Variants in ABI1 observed in about 807,000 individuals in gnomAD.
The protein encoded by ABI1 is Abelson interactor 1.
Under a neutral mutation model 54.6 loss-of-function variants are expected in ABI1, and 14 were observed. The ratio of observed to expected loss-of-function variants is 0.26; its 90% CI spans 0.17 to 0.40. ABI1 has a LOEUF of 0.40. Among genes scored for constraint, ABI1 ranks in the 10% least tolerant of loss-of-function variants. The pLI is 1.00. For synonymous variants in ABI1, 194 were observed against 209.3 expected, an observed-to-expected ratio of 0.93 and a Z score of 0.63; for missense variants, 443 against 598.3, an observed-to-expected ratio of 0.74 and a Z score of 2.71.
chr10:26,859,271 G>A (rs1218066147), intron 1 of ABI1, among the ~76,000 whole-genome samples: 1 of 151,948 alleles, frequency 6.6e-6, no homozygotes, highest in African/African-American at 2.4e-5. Flanking sequence ...GATAAATTCC[G>A]AGTAGTGCTA....
rs2051244435 is a variant in ABI1, at chr10:26,860,738, G to A, written c.117+9C>T. ...CGGCCAGCGCCCGCCGGCCGCCAGA[G>A]CGCCTCACCTGTATGTAGTTGTTTT... On this transcript the variant is annotated intron_variant, in intron 1 of 10. Coordinates refer to ENST00000376140, the MANE Select transcript of ABI1 (RefSeq NM_001012750.3). The surrounding 1 kb of genome is among the most constrained non-coding windows in gnomAD (Gnocchi z 4.1). 6.2e-7 allele frequency: 1 copy of A among 1,610,770 alleles called. No homozygotes were observed. The highest frequency in any genetic ancestry group is 8.5e-7 in the Non-Finnish European group (1 of 1,177,202).
intron 1 of ABI1, among the ~76,000 whole-genome samples, chr10:26,849,816 A>T (rs1346886590): frequency 2.0e-5 from 3 of 152,180 alleles, no homozygotes; most frequent in African/African-American, 7.2e-5. Context: ...AGTGATTGCA[A>T]TTTTTTCACA....
chr10:26,775,387 TG>T, intron 3 of ABI1, among the ~76,000 whole-genome samples: 1 of 152,204 alleles, frequency 6.6e-6, no homozygotes, highest in East Asian at 1.9e-4. Context: ...TAAAATAGCC[TG>T]CACAACAATG....
At chr10:26,806,590 G>C (rs1337448788) in intron 2 of ABI1, among the ~76,000 whole-genome samples, 6 of 152,184 alleles carry the variant, frequency 3.9e-5, no homozygotes, top group Non-Finnish European at 1.5e-5. Context: ...AGTAATTCCT[G>C]TGGCACCATC....
chr10:26,787,917 T>C (rs1313723377), intron 2 of ABI1, among the ~76,000 whole-genome samples: 1 of 152,026 alleles, frequency 6.6e-6, no homozygotes, highest in East Asian at 1.9e-4. Flanking sequence ...GTTTGAATAC[T>C]AACTCTTTTG....
chr10:26,852,912 C>A (rs1371933836), intron 1 of ABI1, among the ~76,000 whole-genome samples: 1 of 152,090 alleles, frequency 6.6e-6, no homozygotes, highest in Non-Finnish European at 1.5e-5. Context: ...ACAAAAATTA[C>A]AAAAAATTAG....
chr10:26,776,938 T>C (rs188965439), intron 3 of ABI1, 127 bp downstream of exon 3: 71 of 839,582 alleles, frequency 8.5e-5, no homozygotes, highest in African/African-American at 2.1e-4. Context: ...ATATTAAATA[T>C]TGTATGAAAA....
At chr10:26,785,113 A>G (rs2133069094) in intron 2 of ABI1, among the ~76,000 whole-genome samples, 1 of 152,322 alleles carries the variant, frequency 6.6e-6, no homozygotes, top group Admixed American at 6.5e-5. Flanking sequence ...GTTATAAGAA[A>G]AACTGAATGG....
Position 26,827,819 on chromosome 10 carries a change from C to CTG in ABI1, c.118-4516_118-4515dup, listed in dbSNP as rs111856728. Among the ~76,000 whole-genome samples, 648 of 152,208 alleles carry CTG rather than the reference C, an allele frequency of 4.3e-3. 8 individuals carry two copies. Among genetic ancestry groups the CTG allele is most frequent in the African/African-American group, 0.015 (628 of 41,542 alleles). The stretch of plus-strand genomic sequence containing the variant: ...TGCTGGCCAGGCTGGTCTTGAACTC[C>CTG]TGTCCCTTGTGATTCCACCCACCTC... On this transcript the variant is annotated intron_variant, in intron 1 of 10. Transcript: ENST00000376140.
At position 26,860,292 on chromosome 10, in the gene ABI1, C is replaced by T. The variant is rs554611589; in HGVS notation, c.117+455G>A. ...CCTCTCCCTTCTGCGGCTTCAGCCT[C>T]GTCCCTGCCCTCTCCTCTCCCCTCT... On this transcript the variant is annotated intron_variant, in intron 1 of 10. Transcript: ENST00000376140. This position sits in a 1 kb window ranked among gnomAD's most constrained non-coding sequence, Gnocchi z 4.1. Among the ~76,000 whole-genome samples the T allele has an allele frequency of 3.9e-5, 6 of 152,270 alleles. No individual in the cohort carries two copies. Among genetic ancestry groups the T allele is most frequent in the African/African-American group, 1.4e-4 (6 of 41,558 alleles).
chr10:26,855,790 G>A (rs1162805684), intron 1 of ABI1, among the ~76,000 whole-genome samples: 2 of 151,786 alleles, frequency 1.3e-5, no homozygotes, highest in East Asian at 3.9e-4. Context: ...GGCCAATATG[G>A]TGAAACTCCG....
Position 26,837,394 on chromosome 10 carries a change from T to G in ABI1, c.118-14089A>C, listed in dbSNP as rs372205973. On this transcript the variant is annotated intron_variant, in intron 1 of 10. Coordinates refer to ENST00000376140, the MANE Select transcript of ABI1 (RefSeq NM_001012750.3). ...TCAGGGCTCCAGCCTTATGACCTCA[T>G]TTAACCATATTCACCTCCTTAAAGG... Among the ~76,000 whole-genome samples, 178 of 151,900 alleles carry G rather than the reference T, an allele frequency of 1.2e-3. 1 individual carries two copies. In the South Asian group the frequency reaches 0.015, roughly 13 times the overall value.
chr10:26,786,389 A>T (rs899043859), intron 2 of ABI1, among the ~76,000 whole-genome samples: 4 of 151,850 alleles, frequency 2.6e-5, no homozygotes, highest in African/African-American at 9.7e-5. Flanking sequence ...TTATTTTTGT[A>T]TGTTTTGTAG....
At chr10:26,786,795 C>G (rs1842786004) in intron 2 of ABI1, among the ~76,000 whole-genome samples, 1 of 152,200 alleles carries the variant, frequency 6.6e-6, no homozygotes, top group Non-Finnish European at 1.5e-5. Context: ...CCTCGGCAAA[C>G]TCATCCACAT....
chr10:26,834,549 AC>A (rs1181415904), intron 1 of ABI1, among the ~76,000 whole-genome samples: 6 of 2,228 alleles, frequency 2.7e-3, no homozygotes, highest in African/African-American at 6.7e-3. Context: ...GACATACAAA[AC>A]ACACACACAC....
intron 2 of ABI1, chr10:26,790,547 T>A (rs982468472): frequency 6.6e-6 from 1 of 152,168 alleles, no homozygotes. Flanking sequence ...CAGAAAAATG[T>A]GGAACACTTC....
At chr10:26,774,337 T>C (rs927274446) in intron 3 of ABI1, among the ~76,000 whole-genome samples, 4 of 152,220 alleles carry the variant, frequency 2.6e-5, no homozygotes, top group East Asian at 1.9e-4. Flanking sequence ...CAACTACATA[T>C]GAAAAGTCCT....
At chr10:26,768,133 ATCT>A in intron 6 of ABI1, among the ~76,000 whole-genome samples, 1 of 152,180 alleles carries the variant, frequency 6.6e-6, no homozygotes, top group East Asian at 1.9e-4. Context: ...TTTAAGCTTA[ATCT>A]TCTTTCCTTC....
chr10:26,775,719 T>C (rs11015279), intron 3 of ABI1, among the ~76,000 whole-genome samples: 9,976 of 152,232 alleles, frequency 0.066, 452 homozygotes, highest in East Asian at 0.19. Flanking sequence ...ACACAATTAC[T>C]CGTTGAGGGA....
Sources: allele counts gnomAD v4.1 joint callset (sites outside exome capture counted in the v4.1 genomes callset), GRCh38; gene constraint gnomAD v4.1.1; non-coding constraint Gnocchi (gnomAD v3.1); transcripts MANE v1.5; gene names NCBI Gene and HGNC (gene_info 2026-07-23, HGNC 2026-07-21).